The following VTI1A variants were observed in gnomAD, a reference collection of about 807,000 sequenced individuals.
VTI1A encodes vesicle transport through interaction with t-SNAREs 1A.
VTI1A carries 22 observed loss-of-function variants against 34.9 expected under a neutral mutation model. The observed-to-expected ratio is 0.63, with a 90% CI of 0.45 to 0.90. VTI1A has a LOEUF of 0.90. Among genes scored for constraint, VTI1A ranks in the 40% least tolerant of loss-of-function variants. VTI1A has a pLI of 0.00. For synonymous variants in VTI1A, 87 were observed against 97.3 expected (o/e 0.89, Z 0.62); for missense variants, 268 against 275.6 (o/e 0.97, Z 0.20).
chr10:112,583,081 A>G (rs906720054), intron 5 of VTI1A, among the ~76,000 whole-genome samples: 1 of 152,184 alleles, frequency 6.6e-6, no homozygotes, highest in Non-Finnish European at 1.5e-5. Flanking sequence ...GCATGTGGGC[A>G]TCTTATAGAG....
At chr10:112,833,875 C>T in the VTI1A span, among the ~76,000 whole-genome samples, 1 of 152,102 alleles carries the variant, frequency 6.6e-6, no homozygotes, top group Non-Finnish European at 1.5e-5. Context: ...AAGCATTGTT[C>T]AAAGGGGCTG....
intron 7 of VTI1A, among the ~76,000 whole-genome samples, chr10:112,783,157 G>A (rs1439737040): frequency 6.6e-6 from 1 of 152,142 alleles, no homozygotes; most frequent in East Asian, 1.9e-4. Context: ...GTAATCTTTG[G>A]GATAATTCTG....
intron 3 of VTI1A, among the ~76,000 whole-genome samples, chr10:112,505,079 G>T (rs955711825): frequency 4.0e-5 from 6 of 151,670 alleles, no homozygotes; most frequent in African/African-American, 1.5e-4. Context: ...ATTTTGTTTA[G>T]TCAAACACTA....
chr10:112,479,829 C>T (rs1295338021), intron 3 of VTI1A, among the ~76,000 whole-genome samples: 3 of 152,210 alleles, frequency 2.0e-5, no homozygotes, highest in African/African-American at 4.8e-5. Flanking sequence ...TAAACCTCAG[C>T]TATCTGGACC....
chr10:112,549,694 A>G (rs1176049267), intron 5 of VTI1A, among the ~76,000 whole-genome samples: 1 of 152,172 alleles, frequency 6.6e-6, no homozygotes, highest in African/African-American at 2.4e-5. Context: ...GTGGAAGGAT[A>G]TCTCTGCTTG....
chr10:112,587,952 T>A (rs1844224028), intron 5 of VTI1A, among the ~76,000 whole-genome samples: 1 of 152,096 alleles, frequency 6.6e-6, no homozygotes, highest in Non-Finnish European at 1.5e-5. Context: ...TTTGTTGGTT[T>A]TAGTAAATTA....
the VTI1A span, among the ~76,000 whole-genome samples, chr10:112,843,413 T>C: frequency 2.0e-5 from 3 of 152,182 alleles, no homozygotes; most frequent in African/African-American, 7.2e-5. Flanking sequence ...AGGCTGTATA[T>C]AGGATGAGCA....
At chr10:112,718,677 A>G (rs145963519) in intron 7 of VTI1A, among the ~76,000 whole-genome samples, 1 of 152,338 alleles carries the variant, frequency 6.6e-6, no homozygotes, top group East Asian at 1.9e-4. Flanking sequence ...CCAAGCAAAT[A>G]GTGTTGACCA....
intron 7 of VTI1A, among the ~76,000 whole-genome samples, chr10:112,790,614 C>T (rs1009579680): frequency 3.9e-5 from 6 of 152,162 alleles, no homozygotes; most frequent in Admixed American, 6.5e-5. Context: ...CCTCTTCTGG[C>T]AGCCCCACCC....
chr10:112,474,840 C>A (rs1848225529), intron 3 of VTI1A, among the ~76,000 whole-genome samples: 1 of 152,152 alleles, frequency 6.6e-6, no homozygotes, highest in African/African-American at 2.4e-5. Context: ...TGCAGTTGCC[C>A]TTCATTGTTT....
At chr10:112,488,322 G>A (rs1848711528) in intron 3 of VTI1A, among the ~76,000 whole-genome samples, 1 of 152,184 alleles carries the variant, frequency 6.6e-6, no homozygotes, top group South Asian at 2.1e-4. Context: ...GATGAATAAG[G>A]TTATCAAATC....
At chr10:112,609,070 T>G (rs1270788751) in intron 5 of VTI1A, among the ~76,000 whole-genome samples, 1 of 152,188 alleles carries the variant, frequency 6.6e-6, no homozygotes, top group Non-Finnish European at 1.5e-5. Flanking sequence ...AAAATGGTTT[T>G]TTGGTGGGAT....
At chr10:112,494,648 A>G (rs1034091881) in intron 3 of VTI1A, among the ~76,000 whole-genome samples, 2 of 152,152 alleles carry the variant, frequency 1.3e-5, no homozygotes, top group African/African-American at 4.8e-5. Context: ...AGCTGGGATT[A>G]CAGGTGCATG....
intron 7 of VTI1A, among the ~76,000 whole-genome samples, chr10:112,684,439 T>C (rs916955652): frequency 6.1e-5 from 9 of 146,586 alleles, no homozygotes; most frequent in Admixed American, 2.7e-4. Flanking sequence ...GCTCATCTCT[T>C]TTTTTTTTTT....
At chr10:112,797,270 T>TA (rs1249618098) in intron 7 of VTI1A, among the ~76,000 whole-genome samples, 3 of 152,130 alleles carry the variant, frequency 2.0e-5, no homozygotes, top group African/African-American at 7.2e-5. Context: ...TTAAAGCATC[T>TA]AAAAAAACAA....
the VTI1A span, among the ~76,000 whole-genome samples, chr10:112,832,863 T>A: frequency 1.3e-5 from 2 of 152,070 alleles, no homozygotes; most frequent in South Asian, 2.1e-4. Context: ...CTGCAGTAAT[T>A]CTGCTAGACC....
chr10:112,681,350 A>T (rs1456099762), intron 7 of VTI1A, among the ~76,000 whole-genome samples: 2 of 152,212 alleles, frequency 1.3e-5, no homozygotes, highest in African/African-American at 4.8e-5. Flanking sequence ...CAAAGTGCTG[A>T]GATTGCAAGC....
At chr10:112,852,003 AT>A in the VTI1A span, among the ~76,000 whole-genome samples, 1 of 152,230 alleles carries the variant, frequency 6.6e-6, no homozygotes, top group Non-Finnish European at 1.5e-5. Flanking sequence ...AAAGAAAAAA[AT>A]AAAATGAAAA....
At chr10:112,822,275 A>G (rs1276611952), downstream of VTI1A, among the ~76,000 whole-genome samples, 1 of 152,078 alleles carries the variant, frequency 6.6e-6, no homozygotes, top group Non-Finnish European at 1.5e-5. Context: ...TCTTCTAAGG[A>G]TTGCGTTCTG....
Sources: allele counts gnomAD v4.1 joint callset (sites outside exome capture counted in the v4.1 genomes callset), GRCh38; gene constraint gnomAD v4.1.1; transcripts MANE v1.5; gene names NCBI Gene and HGNC (gene_info 2026-07-23, HGNC 2026-07-21).